Variants in MARCHF5 observed in about 807,000 individuals in gnomAD.
The protein encoded by MARCHF5 is membrane associated ring-CH-type finger 5, also known as E3 ubiquitin-protein ligase MARCHF5.
MARCHF5 carries 5 observed loss-of-function variants against 36.5 expected under a neutral mutation model. That is an observed-to-expected ratio of 0.14 (90% confidence interval 0.07 to 0.29). MARCHF5 has a LOEUF of 0.29. MARCHF5 is among the 10% of genes least tolerant of loss of function. MARCHF5 has a pLI of 1.00. For synonymous variants in MARCHF5, 103 were observed against 109.9 expected (o/e 0.94, Z 0.39); for missense variants, 179 against 336.3 (o/e 0.53, Z 3.66).
At chr10:92,294,195 AG>A (rs1314827009) in intron 1 of MARCHF5, among the ~76,000 whole-genome samples, 2 of 152,226 alleles carry the variant, frequency 1.3e-5, no homozygotes, top group African/African-American at 4.8e-5. Context: ...GGGTATAGTG[AG>A]TAAAGCTTGG....
At chr10:92,315,986 T>G (rs1293254710) in intron 2 of MARCHF5, among the ~76,000 whole-genome samples, 1 of 152,222 alleles carries the variant, frequency 6.6e-6, no homozygotes, top group Non-Finnish European at 1.5e-5. Flanking sequence ...ATCAAAACTT[T>G]TATCACTTTT....
intron 3 of MARCHF5, among the ~76,000 whole-genome samples, chr10:92,344,017 GATAT>G: frequency 6.6e-6 from 1 of 152,192 alleles, no homozygotes; most frequent in African/African-American, 2.4e-5. Flanking sequence ...ACATTATATA[GATAT>G]ATATATTTTG....
intron 2 of MARCHF5, among the ~76,000 whole-genome samples, chr10:92,335,469 C>CA (rs1476265262): frequency 1.3e-5 from 2 of 152,160 alleles, no homozygotes; most frequent in Non-Finnish European, 2.9e-5. Flanking sequence ...AGGCATTTAT[C>CA]TTTTCTTTTA....
At chr10:92,323,399 G>C (rs1358689332) in intron 2 of MARCHF5, among the ~76,000 whole-genome samples, 1 of 152,078 alleles carries the variant, frequency 6.6e-6, no homozygotes, top group East Asian at 1.9e-4. Context: ...TTACCACCCA[G>C]AGTGTCCATA....
chr10:92,344,712 C>A (rs747201204), intron 3 of MARCHF5, among the ~76,000 whole-genome samples: 1 of 152,164 alleles, frequency 6.6e-6, no homozygotes, highest in Non-Finnish European at 1.5e-5. Flanking sequence ...GGAATCAGAT[C>A]ACTGTTATTT....
chr10:92,293,091 CT>C (rs57441426), intron 1 of MARCHF5, among the ~76,000 whole-genome samples: 9 of 152,120 alleles, frequency 5.9e-5, no homozygotes, highest in East Asian at 5.8e-4. Flanking sequence ...TACATAGTGA[CT>C]TTTTTTCTTC....
chr10:92,298,792 A>AC (rs1842977251), intron 1 of MARCHF5, among the ~76,000 whole-genome samples: 1 of 151,222 alleles, frequency 6.6e-6, no homozygotes, highest in African/African-American at 2.4e-5. Flanking sequence ...CAAACTCCTG[A>AC]GCTTAAGTGA....
chr10:92,329,376 A>G (rs1277391007), intron 2 of MARCHF5, among the ~76,000 whole-genome samples: 1 of 152,226 alleles, frequency 6.6e-6, no homozygotes, highest in African/African-American at 2.4e-5. Flanking sequence ...TTTTAAAGTA[A>G]GAATACTTAG....
At chr10:92,303,032 AC>A in intron 1 of MARCHF5, among the ~76,000 whole-genome samples, 1 of 152,270 alleles carries the variant, frequency 6.6e-6, no homozygotes, top group Non-Finnish European at 1.5e-5. Flanking sequence ...CAAAAGAAAC[AC>A]CTGCAGTTTG....
At chr10:92,304,477 A>G (rs575638249) in intron 1 of MARCHF5, among the ~76,000 whole-genome samples, 2 of 152,348 alleles carry the variant, frequency 1.3e-5, no homozygotes, top group South Asian at 4.1e-4. Flanking sequence ...ATTAGAAATG[A>G]AACCAATTAT....
intron 1 of MARCHF5, among the ~76,000 whole-genome samples, chr10:92,299,986 A>AC (rs1842993149): frequency 6.6e-6 from 1 of 151,730 alleles, no homozygotes; most frequent in African/African-American, 2.4e-5. Context: ...AAATACTAAG[A>AC]CCCCCGTCTC....
intron 2 of MARCHF5, among the ~76,000 whole-genome samples, chr10:92,330,066 C>T (rs1843418162): frequency 6.6e-6 from 1 of 152,180 alleles, no homozygotes; most frequent in African/African-American, 2.4e-5. Flanking sequence ...TGGTCTTAAA[C>T]TCCTGACCTC....
chr10:92,312,548 ATTGT>A (rs954886521), intron 2 of MARCHF5, among the ~76,000 whole-genome samples: 3 of 152,266 alleles, frequency 2.0e-5, no homozygotes, highest in Admixed American at 6.5e-5. Flanking sequence ...AAAAGCAATG[ATTGT>A]TCACATTATT....
chr10:92,323,801 T>G (rs574533840), intron 2 of MARCHF5, among the ~76,000 whole-genome samples: 1 of 152,232 alleles, frequency 6.6e-6, no homozygotes, highest in Admixed American at 6.5e-5. Context: ...TATCCATTCA[T>G]GTACTGAAAG....
At chr10:92,319,397 G>A (rs1291751325) in intron 2 of MARCHF5, among the ~76,000 whole-genome samples, 2 of 150,610 alleles carry the variant, frequency 1.3e-5, no homozygotes, top group Non-Finnish European at 3.0e-5. Flanking sequence ...CCGGGTTCAC[G>A]CCATTCTCCT....
chr10:92,343,617 T>A (rs1405977468), intron 3 of MARCHF5, among the ~76,000 whole-genome samples: 1 of 152,252 alleles, frequency 6.6e-6, no homozygotes, highest in Non-Finnish European at 1.5e-5. Context: ...TTGTCCAGGC[T>A]GGAGTACGGT....
At chr10:92,302,340 A>G (rs1843025280) in intron 1 of MARCHF5, among the ~76,000 whole-genome samples, 1 of 152,182 alleles carries the variant, frequency 6.6e-6, no homozygotes, top group South Asian at 2.1e-4. Flanking sequence ...ATGAACGGAC[A>G]TATTAGTCTC....
chr10:92,323,292 C>G (rs1843313561), intron 2 of MARCHF5, among the ~76,000 whole-genome samples: 1 of 151,868 alleles, frequency 6.6e-6, no homozygotes, highest in African/African-American at 2.4e-5. Context: ...CACCCCTGAC[C>G]ACACACACAC....
intron 1 of MARCHF5, among the ~76,000 whole-genome samples, chr10:92,306,988 T>C (rs1284738146): frequency 1.3e-5 from 2 of 151,842 alleles, no homozygotes; most frequent in Non-Finnish European, 2.9e-5. Context: ...CACTCCAGCC[T>C]AGGTGGCAGA....
Sources: gnomAD v4.1 joint callset for allele counts (sites outside exome capture counted in the v4.1 genomes callset) on GRCh38, gnomAD v4.1.1 for gene constraint, MANE v1.5 for transcripts, NCBI Gene and HGNC (gene_info 2026-07-23, HGNC 2026-07-21) for gene names.